CHRM2: variants seen among roughly 807,000 people sequenced by gnomAD.
CHRM2 encodes muscarinic acetylcholine receptor M2.
CHRM2 carries 8 observed loss-of-function variants against 25.0 expected under a neutral mutation model. The observed-to-expected ratio is 0.32, with a 90% CI of 0.19 to 0.58. CHRM2 has a LOEUF of 0.58. CHRM2 is among the 20% of genes least tolerant of loss of function. CHRM2 has a pLI of 0.88. For synonymous variants in CHRM2, 202 were observed against 205.7 expected, an observed-to-expected ratio of 0.98 and a Z score of 0.15; for missense variants, 440 against 567.1, an observed-to-expected ratio of 0.78 and a Z score of 2.28.
At chr7:136,919,017 G>A (rs1057293554) in intron 2 of CHRM2, among the ~76,000 whole-genome samples, 2 of 152,114 alleles carry the variant, frequency 1.3e-5, no homozygotes, top group Non-Finnish European at 2.9e-5. Flanking sequence ...GAACTTTTGT[G>A]TAGCTAGCTA....
intron 2 of CHRM2, among the ~76,000 whole-genome samples, chr7:136,914,621 G>C (rs2130701782): frequency 6.6e-6 from 1 of 151,998 alleles, no homozygotes; most frequent in South Asian, 2.1e-4. Flanking sequence ...TATTATATCA[G>C]AGAAAAAATG....
intron 2 of CHRM2, among the ~76,000 whole-genome samples, chr7:136,921,794 C>CTTTCTTTCTTTCTTTCTTTT (rs776923730): frequency 1.5e-4 from 18 of 116,538 alleles, no homozygotes; most frequent in African/African-American, 4.7e-4. Context: ...TTCTTTCTTT[C>CTTTCTTTCTTTCTTTCTTTT]TTTTTTTTGA....
chr7:137,010,229 T>C (rs916309233), intron 3 of CHRM2, among the ~76,000 whole-genome samples: 10 of 152,098 alleles, frequency 6.6e-5, no homozygotes, highest in African/African-American at 2.4e-4. Context: ...TCAAGGAAGA[T>C]GTTAAACTGT....
intron 2 of CHRM2, among the ~76,000 whole-genome samples, chr7:136,986,450 A>C (rs1010034637): frequency 6.6e-6 from 1 of 152,178 alleles, no homozygotes; most frequent in South Asian, 2.1e-4. Context: ...ATAAGAGCAA[A>C]GGAAAGCAGG....
At chr7:136,870,825 C>G (rs910294101) in intron 2 of CHRM2, 1 of 152,284 alleles carries the variant, frequency 6.6e-6, no homozygotes, top group Non-Finnish European at 1.5e-5. Flanking sequence ...CCAGCCCAGG[C>G]GCCGCGAGCC....
intron 2 of CHRM2, among the ~76,000 whole-genome samples, chr7:136,971,136 G>T (rs1302512927): frequency 2.6e-5 from 4 of 152,170 alleles, no homozygotes; most frequent in African/African-American, 9.7e-5. Context: ...ATTAGAATTA[G>T]AACCAGAATT....
chr7:136,900,640 CAT>C (rs1177876131), intron 2 of CHRM2, among the ~76,000 whole-genome samples: 3 of 152,062 alleles, frequency 2.0e-5, no homozygotes, highest in African/African-American at 4.8e-5. Flanking sequence ...AGCTTACACA[CAT>C]GAGGCATTCT....
chr7:137,011,297 C>T (rs1204852310), intron 3 of CHRM2, among the ~76,000 whole-genome samples: 1 of 151,012 alleles, frequency 6.6e-6, no homozygotes, highest in Non-Finnish European at 1.5e-5. Context: ...GTCCCATCTG[C>T]AAGCCTGAGA....
At chr7:136,957,129 G>C (rs1359769560) in intron 2 of CHRM2, among the ~76,000 whole-genome samples, 8 of 152,220 alleles carry the variant, frequency 5.3e-5, no homozygotes, top group Non-Finnish European at 1.2e-4. Flanking sequence ...TGGAAAGGCA[G>C]CACAGTAAGT....
chr7:137,011,719 C>T (rs919239787), intron 3 of CHRM2, among the ~76,000 whole-genome samples: 1 of 152,070 alleles, frequency 6.6e-6, no homozygotes, highest in South Asian at 2.1e-4. Context: ...TTCACAAGTC[C>T]ACCACTTGTC....
intron 3 of CHRM2, among the ~76,000 whole-genome samples, chr7:137,001,494 A>G (rs191010592): frequency 1.3e-5 from 2 of 152,244 alleles, no homozygotes; most frequent in East Asian, 1.9e-4. Context: ...GAGGTGGCCT[A>G]TGAATGAGAA....
intron 2 of CHRM2, among the ~76,000 whole-genome samples, chr7:136,912,377 T>C (rs1464750301): frequency 6.6e-6 from 1 of 151,972 alleles, no homozygotes; most frequent in East Asian, 1.9e-4. Context: ...CAAAAGAATG[T>C]CCTCTTGCTG....
chr7:136,946,756 A>C (rs1200831896), intron 2 of CHRM2, among the ~76,000 whole-genome samples: 1 of 152,188 alleles, frequency 6.6e-6, no homozygotes, highest in Non-Finnish European at 1.5e-5. Context: ...ATCATAATTT[A>C]AAAATATTCA....
intron 2 of CHRM2, among the ~76,000 whole-genome samples, chr7:136,984,677 C>T (rs994580717): frequency 6.6e-6 from 1 of 152,078 alleles, no homozygotes; most frequent in Non-Finnish European, 1.5e-5. Context: ...CAGTCCTTCA[C>T]GGCTTCCCTT....
At chr7:137,010,715 A>C (rs919636903) in intron 3 of CHRM2, among the ~76,000 whole-genome samples, 1 of 152,034 alleles carries the variant, frequency 6.6e-6, no homozygotes, top group Admixed American at 6.6e-5. Flanking sequence ...TATAACTCTA[A>C]AAATTCAGAG....
chr7:136,921,521 T>C (rs968115971), intron 2 of CHRM2, among the ~76,000 whole-genome samples: 3 of 152,156 alleles, frequency 2.0e-5, no homozygotes, highest in African/African-American at 7.2e-5. Flanking sequence ...ATGAGGACTT[T>C]CAGCATGTGG....
chr7:137,010,257 CATGT>C (rs2131106638), intron 3 of CHRM2, among the ~76,000 whole-genome samples: 1 of 152,134 alleles, frequency 6.6e-6, no homozygotes, highest in Non-Finnish European at 1.5e-5. Context: ...TCTTCCCTGC[CATGT>C]ATGGGAAAGC....
At chr7:137,012,378 A>G (rs146779478) in intron 3 of CHRM2, among the ~76,000 whole-genome samples, 239 of 152,208 alleles carry the variant, frequency 1.6e-3, no homozygotes, top group African/African-American at 5.5e-3. Flanking sequence ...GGATTGTCAA[A>G]GGGAAATCCG....
chr7:136,918,077 A>G (rs1294188457), intron 2 of CHRM2, among the ~76,000 whole-genome samples: 1 of 152,100 alleles, frequency 6.6e-6, no homozygotes, highest in African/African-American at 2.4e-5. Context: ...AAAATGAATG[A>G]AGGAACAGAA....
Sources: gnomAD v4.1 joint callset for allele counts (sites outside exome capture counted in the v4.1 genomes callset) on GRCh38, gnomAD v4.1.1 for gene constraint, MANE v1.5 for transcripts, NCBI Gene and HGNC (gene_info 2026-07-23, HGNC 2026-07-21) for gene names.